Variants in DCC observed in about 807,000 individuals in gnomAD.
The protein encoded by DCC is netrin receptor DCC.
In DCC, 58 loss-of-function variants were observed where a neutral mutation model predicts 172.5. The ratio of observed to expected loss-of-function variants is 0.34; its 90% CI spans 0.27 to 0.42. The LOEUF (loss-of-function observed/expected upper bound fraction) is 0.42. Among genes scored for constraint, DCC ranks in the 10% least tolerant of loss-of-function variants. The probability of loss-of-function intolerance (pLI) is 1.00; values close to 1 mark genes in which losing one functional copy is unlikely to be tolerated. For synonymous variants in DCC, 709 were observed against 644.5 expected (o/e 1.10, Z -1.52); for missense variants, 1,740 against 1,791.0 (o/e 0.97, Z 0.51).
intron 22 of DCC, among the ~76,000 whole-genome samples, chr18:53,442,678 C>G (rs1912346988): frequency 6.6e-6 from 1 of 152,270 alleles, no homozygotes; most frequent in African/African-American, 2.4e-5. Context: ...TGTCAAAAGT[C>G]AAGATAGGCT....
intron 27 of DCC, among the ~76,000 whole-genome samples, chr18:53,500,817 C>T (rs1439006459): frequency 6.6e-6 from 1 of 151,850 alleles, no homozygotes; most frequent in African/African-American, 2.4e-5. Context: ...CAAGAGATGG[C>T]CCTTCTCACC....
In DCC at chr18:52,802,321, A is replaced by G. The variant is rs184540560; in HGVS notation, c.412+49947A>G. Among the ~76,000 whole-genome samples, 371 of 152,178 alleles carry G rather than the reference A, an allele frequency of 2.4e-3. 2 individuals carry two copies. Among genetic ancestry groups the G allele is most frequent in the Middle Eastern group, 3.4e-3 (1 of 294 alleles). On this transcript the variant is annotated intron_variant, in intron 2 of 28. Transcript: ENST00000442544. ...CAATCTGGAGGAGAGTTTTGGAATCAAGATTAGGCTACAGAAGGAATTTAA... is the reference window on the plus strand; with the variant it reads ...CAATCTGGAGGAGAGTTTTGGAATCGAGATTAGGCTACAGAAGGAATTTAA...
chr18:53,011,073 A>T (rs1018698976), intron 5 of DCC, among the ~76,000 whole-genome samples: 1 of 151,456 alleles, frequency 6.6e-6, no homozygotes, highest in African/African-American at 2.4e-5. Context: ...AAATATGCTG[A>T]TGAAGCTACT....
intron 1 of DCC, among the ~76,000 whole-genome samples, chr18:52,694,717 A>G (rs1468225662): frequency 6.6e-6 from 1 of 152,076 alleles, no homozygotes; most frequent in Non-Finnish European, 1.5e-5. Context: ...AAGAGATGGG[A>G]CTGGACTGTG....
At chr18:52,556,922 C>T (rs76243061) in intron 1 of DCC, among the ~76,000 whole-genome samples, 3,218 of 152,190 alleles carry the variant, frequency 0.021, 98 homozygotes, top group African/African-American at 0.071. Context: ...CCTGAACTGG[C>T]CCAATGGCTA....
intron 2 of DCC, among the ~76,000 whole-genome samples, chr18:52,877,690 A>G (rs1475955974): frequency 6.8e-6 from 1 of 146,270 alleles, no homozygotes; most frequent in East Asian, 2.0e-4. Context: ...CCTGGGTGAC[A>G]GAGTGAGACA....
intron 1 of DCC, among the ~76,000 whole-genome samples, chr18:52,744,255 C>T (rs539817277): frequency 6.6e-6 from 1 of 151,992 alleles, no homozygotes; most frequent in East Asian, 1.9e-4. Flanking sequence ...AACTTGTGTC[C>T]TTAATTTTTG....
chr18:52,456,954 T>C (rs1163501541), intron 1 of DCC, among the ~76,000 whole-genome samples: 1 of 152,132 alleles, frequency 6.6e-6, no homozygotes, highest in Non-Finnish European at 1.5e-5. Context: ...TACTTGTTTT[T>C]TTTTTAAAAA....
chr18:52,483,775 T>G (rs1215900646), intron 1 of DCC, among the ~76,000 whole-genome samples: 1 of 152,106 alleles, frequency 6.6e-6, no homozygotes, highest in African/African-American at 2.4e-5. Flanking sequence ...CTGTGAAATT[T>G]TTTTCAATTT....
At chr18:52,352,064 T>C (rs923829143) in intron 1 of DCC, among the ~76,000 whole-genome samples, 6 of 152,160 alleles carry the variant, frequency 3.9e-5, no homozygotes, top group African/African-American at 1.4e-4. Context: ...CCACTGGACC[T>C]CAACTTTCCC....
chr18:52,686,647 T>C (rs2035840526), intron 1 of DCC, among the ~76,000 whole-genome samples: 1 of 152,130 alleles, frequency 6.6e-6, no homozygotes, highest in Non-Finnish European at 1.5e-5. Flanking sequence ...TTTCTATTTC[T>C]TGTGAACTGT....
chr18:52,694,421 A>G (rs558094518), intron 1 of DCC, among the ~76,000 whole-genome samples: 1 of 152,222 alleles, frequency 6.6e-6, no homozygotes, highest in African/African-American at 2.4e-5. Flanking sequence ...TTAGTAGTAA[A>G]AAAATAATAA....
intron 1 of DCC, among the ~76,000 whole-genome samples, chr18:52,559,619 T>C (rs531396783): frequency 3.5e-4 from 54 of 152,200 alleles, no homozygotes; most frequent in African/African-American, 1.3e-3. Flanking sequence ...ATGTAAATCA[T>C]GCACAGCAAA....
intron 5 of DCC, among the ~76,000 whole-genome samples, chr18:52,949,191 C>A (rs186494169): frequency 6.6e-6 from 1 of 152,314 alleles, no homozygotes; most frequent in East Asian, 1.9e-4. Context: ...GAACTGCAAG[C>A]TCTTGTTAAA....
At position 53,271,989 on chromosome 18, in the gene DCC, A is replaced by G. The variant is rs2056754525; in HGVS notation, c.1912-33589A>G. On this transcript the variant is annotated intron_variant, in intron 12 of 28. Transcript: ENST00000442544. ...AAAGGCCATTTGTGTGCCCTCCATTAACTTCACACCAATTTCAGTCAGTTT... is the reference window on the plus strand; with the variant it reads ...AAAGGCCATTTGTGTGCCCTCCATTGACTTCACACCAATTTCAGTCAGTTT... Among the ~76,000 whole-genome samples, 5 of 152,158 alleles carry G rather than the reference A, an allele frequency of 3.3e-5. No homozygotes were observed. In the South Asian group the frequency reaches 1.0e-3, roughly 32 times the overall value.
At chr18:53,354,452 A>G (rs937691921) in intron 15 of DCC, among the ~76,000 whole-genome samples, 1 of 152,078 alleles carries the variant, frequency 6.6e-6, no homozygotes, top group African/African-American at 2.4e-5. Context: ...AATGCTCGCC[A>G]TTCTAACTGG....
intron 15 of DCC, among the ~76,000 whole-genome samples, chr18:53,361,088 A>C (rs770937222): frequency 6.6e-6 from 1 of 152,128 alleles, no homozygotes; most frequent in Non-Finnish European, 1.5e-5. Context: ...TAAGAGGCAC[A>C]TGGTGGAGAG....
At chr18:52,971,804 CT>C (rs2041034981) in intron 5 of DCC, among the ~76,000 whole-genome samples, 1 of 152,152 alleles carries the variant, frequency 6.6e-6, no homozygotes. Context: ...AAGTTATCAC[CT>C]GGCACTGATG....
At chr18:52,599,862 A>G (rs541866549) in intron 1 of DCC, among the ~76,000 whole-genome samples, 25 of 152,286 alleles carry the variant, frequency 1.6e-4, no homozygotes, top group Middle Eastern at 3.4e-3. Context: ...CTTGATAACC[A>G]TATGAGAATA....
Sources: gnomAD v4.1 joint callset for allele counts (sites outside exome capture counted in the v4.1 genomes callset) on GRCh38, gnomAD v4.1.1 for gene constraint, MANE v1.5 for transcripts, NCBI Gene and HGNC (gene_info 2026-07-23, HGNC 2026-07-21) for gene names.